The following PKP2 variants were observed in gnomAD, a reference collection of about 807,000 sequenced individuals.
The protein encoded by PKP2 is plakophilin-2.
In PKP2, 73 loss-of-function variants were observed where a neutral mutation model predicts 83.4. That is an observed-to-expected ratio of 0.88 (90% confidence interval 0.72 to 1.06). The LOEUF is 1.06. Ranked by LOEUF, PKP2 falls within the 50% of genes least tolerant of loss-of-function variation. PKP2 has a pLI of 0.00. For synonymous variants in PKP2, 409 were observed against 430.4 expected, an observed-to-expected ratio of 0.95 and a Z score of 0.62; for missense variants, 966 against 1,065.4, an observed-to-expected ratio of 0.91 and a Z score of 1.30.
chr12:32,835,185 C>G (rs1956534236), intron 6 of PKP2, among the ~76,000 whole-genome samples: 1 of 151,560 alleles, frequency 6.6e-6, no homozygotes, highest in Non-Finnish European at 1.5e-5. Context: ...TCCCGAGTAG[C>G]CGGGATTACA....
At chr12:32,828,437 G>A (rs1956463411) in intron 6 of PKP2, among the ~76,000 whole-genome samples, 1 of 152,164 alleles carries the variant, frequency 6.6e-6, no homozygotes, top group Admixed American at 6.5e-5. Context: ...AGAATGGACA[G>A]TGACAAATGG....
At chr12:32,797,621 T>C (rs1421130412) in intron 10 of PKP2, among the ~76,000 whole-genome samples, 1 of 148,776 alleles carries the variant, frequency 6.7e-6, no homozygotes, top group African/African-American at 2.5e-5. Context: ...AGTGGCGCGA[T>C]CTCGGCTCTC....
At position 32,867,521 on chromosome 12, in the gene PKP2, A is replaced by G. The variant is rs541598109; in HGVS notation, c.1170+1406T>C. ...ATGTCAGATTGTACCTCAATAAGGT[A>G]GTTAAAAAATCAACCAACAAAACTG... is the stretch of plus-strand genomic sequence containing the variant. On this transcript the variant is annotated intron_variant, in intron 4 of 12. Transcript: ENST00000340811. Among the ~76,000 whole-genome samples the G allele has an allele frequency of 2.6e-4, 40 of 152,378 alleles. No homozygotes were observed. In the Middle Eastern group the frequency reaches 0.014, roughly 52 times the overall value.
chr12:32,818,410 G>A (rs1423355203), intron 9 of PKP2, among the ~76,000 whole-genome samples: 1 of 152,098 alleles, frequency 6.6e-6, no homozygotes, highest in Non-Finnish European at 1.5e-5. Flanking sequence ...GCAGTGAGCC[G>A]AGACTGTGCC....
At chr12:32,877,552 G>T (rs1296727500) in intron 3 of PKP2, among the ~76,000 whole-genome samples, 2 of 152,174 alleles carry the variant, frequency 1.3e-5, no homozygotes, top group African/African-American at 2.4e-5. Flanking sequence ...GTTTAGAGCA[G>T]ATTTTCATAT....
At chr12:32,839,162 T>C (rs926561460) in intron 6 of PKP2, among the ~76,000 whole-genome samples, 58 of 152,092 alleles carry the variant, frequency 3.8e-4, no homozygotes, top group Admixed American at 1.4e-3. Flanking sequence ...TGGACCAAGA[T>C]GTCTTCCATT....
chr12:32,835,542 G>A (rs1455009214), intron 6 of PKP2, among the ~76,000 whole-genome samples: 1 of 49,720 alleles, frequency 2.0e-5, no homozygotes, highest in Non-Finnish European at 4.2e-5. Context: ...AGAAAAAGAG[G>A]AAAAAAAGAA....
chr12:32,867,259 T>A (rs777219206), intron 4 of PKP2, among the ~76,000 whole-genome samples: 3 of 152,138 alleles, frequency 2.0e-5, no homozygotes, highest in Non-Finnish European at 4.4e-5. Context: ...GCCCAGAAAG[T>A]TGAGGCTGCA....
intron 4 of PKP2, among the ~76,000 whole-genome samples, chr12:32,862,459 C>T (rs1315966893): frequency 6.6e-6 from 1 of 151,300 alleles, no homozygotes; most frequent in East Asian, 2.0e-4. Flanking sequence ...CCAGCCTGAC[C>T]AACATGGAGA....
chr12:32,845,575 TA>T (rs1016019834), intron 5 of PKP2, among the ~76,000 whole-genome samples: 31 of 151,946 alleles, frequency 2.0e-4, no homozygotes, highest in Admixed American at 3.3e-4. Flanking sequence ...AAAATAATAA[TA>T]AAAAAATTAA....
rs1226642671 is a variant in PKP2, at chr12:32,877,835, A to G, written c.1034+11T>C. The G allele has an allele frequency of 6.3e-7, 1 of 1,586,968 alleles. No homozygotes were observed. Among genetic ancestry groups the G allele is most frequent in the African/African-American group, 1.3e-5 (1 of 74,384 alleles). On this transcript the variant is annotated intron_variant, in intron 3 of 12. Coordinates refer to ENST00000340811, the MANE Select transcript of PKP2 (RefSeq NM_001005242.3). ...GCAATGACTGAACTGCAGAGTCAGG[A>G]GGGGACTTACCCCAGCTGGGAGTCA...
chr12:32,886,491 G>A (rs1022652577), intron 1 of PKP2, among the ~76,000 whole-genome samples: 5 of 152,146 alleles, frequency 3.3e-5, no homozygotes, highest in African/African-American at 9.7e-5. Context: ...GCACTCCTGA[G>A]TTGGTGAAGG....
At chr12:32,824,656 T>C (rs1217352622) in intron 6 of PKP2, among the ~76,000 whole-genome samples, 1 of 152,220 alleles carries the variant, frequency 6.6e-6, no homozygotes, top group East Asian at 1.9e-4. Context: ...TAAACTGTTA[T>C]TGACAAATAT....
intron 3 of PKP2, among the ~76,000 whole-genome samples, chr12:32,872,961 G>A (rs948994132): frequency 2.0e-5 from 3 of 152,206 alleles, no homozygotes; most frequent in African/African-American, 7.2e-5. Flanking sequence ...TAATTAAGAG[G>A]ACGTGGAGGG....
rs1489644183 is a variant in PKP2, at chr12:32,841,332, G to A, written c.1379-127C>T. On this transcript the variant is annotated intron_variant, in intron 5 of 12. Transcript: ENST00000340811. ...ATAAAAAAATTTGGGGGGTTGGGGG[G>A]CCAGCCTCTTTCTCAACTAGAAGAA... The A allele has an allele frequency of 2.9e-5, 21 of 731,168 alleles. 1 individual carries two copies. In the South Asian group the frequency reaches 2.9e-4, roughly 10 times the overall value. 45.3% of individuals were successfully genotyped at this position (731,168 alleles called of 1,614,324 possible).
chr12:32,819,711 G>A (rs1172628464), intron 9 of PKP2, among the ~76,000 whole-genome samples: 1 of 152,162 alleles, frequency 6.6e-6, no homozygotes, highest in Non-Finnish European at 1.5e-5. Context: ...AATATTGAGA[G>A]ATTAAGTGGC....
chr12:32,850,918 T>G lies in PKP2; in HGVS notation c.1226A>C (p.Glu409Ala). 7 of 1,614,150 alleles carry G rather than the reference T, an allele frequency of 4.3e-6. No individual in the cohort carries two copies. The highest frequency in any genetic ancestry group is 5.9e-6 in the Non-Finnish European group (7 of 1,180,014). ...KLLQLLKVQN[E>A]DVQRAVCGAL... ...CCCACACACAGCTCGCTGAACGTCT[T>G]CATTCTGAACTTTTAGGAGCTGCAG... Residue 409 changes from glutamate to alanine, a missense_variant, in exon 5 of 13, where the codon GAA (glutamate) becomes GCA (alanine). Transcript: ENST00000340811.
Position 32,862,971 on chromosome 12 carries a change from C to G in PKP2, c.1170+5956G>C, listed in dbSNP as rs2137900934. 1.3e-5 allele frequency: 2 copies of G among 152,320 alleles called. 1 individual carries two copies. Among genetic ancestry groups the G allele is most frequent in the Middle Eastern group, 6.8e-3 (2 of 294 alleles). 9.4% of individuals were successfully genotyped at this position (152,320 alleles called of 1,614,324 possible). ...CTAAGATCGCGCCACTGCATTCCAGCCTGGGTGACAGAGTGAGACTCTGTC... is the reference window on the plus strand; with the variant it reads ...CTAAGATCGCGCCACTGCATTCCAGGCTGGGTGACAGAGTGAGACTCTGTC... On this transcript the variant is annotated intron_variant, in intron 4 of 12. Coordinates refer to ENST00000340811, the MANE Select transcript of PKP2 (RefSeq NM_001005242.3).
At chr12:32,858,499 G>A (rs1460713551) in intron 4 of PKP2, among the ~76,000 whole-genome samples, 2 of 152,064 alleles carry the variant, frequency 1.3e-5, no homozygotes, top group African/African-American at 4.8e-5. Flanking sequence ...AAGGGTCAGT[G>A]AGAAATGCTC....
Sources: allele counts gnomAD v4.1 joint callset (sites outside exome capture counted in the v4.1 genomes callset), GRCh38; gene constraint gnomAD v4.1.1; transcripts MANE v1.5; gene names NCBI Gene and HGNC (gene_info 2026-07-23, HGNC 2026-07-21).